The following NAV2 variants were observed in gnomAD, a reference collection of about 807,000 sequenced individuals.
NAV2 encodes the protein helicase, APC down-regulated 1.
Under a neutral mutation model 223.2 loss-of-function variants are expected in NAV2, and 54 were observed. The observed-to-expected ratio is 0.24, with a 90% CI of 0.19 to 0.30. The LOEUF (loss-of-function observed/expected upper bound fraction) is 0.30, where lower values mean the gene tolerates loss of function less well. Ranked by LOEUF, NAV2 falls within the 10% of genes least tolerant of loss-of-function variation. The probability of loss-of-function intolerance (pLI) is 1.00; values close to 1 mark genes in which losing one functional copy is unlikely to be tolerated. For synonymous variants in NAV2, 1,279 were observed against 1,239.3 expected (o/e 1.03, Z -0.67); for missense variants, 2,806 against 3,147.5 (o/e 0.89, Z 2.60).
chr11:19,600,635 C>T (rs79462482), intron 1 of NAV2, among the ~76,000 whole-genome samples: 5,008 of 152,174 alleles, frequency 0.033, 136 homozygotes, highest in East Asian at 0.11. Flanking sequence ...GTGATTTGGG[C>T]GGGTTTCTTA....
At chr11:19,802,846 C>T (rs964314569) in intron 1 of NAV2, among the ~76,000 whole-genome samples, 7 of 152,102 alleles carry the variant, frequency 4.6e-5, no homozygotes, top group African/African-American at 1.2e-4. Context: ...CTAGGAAAGC[C>T]TCAGATGCAC....
At chr11:19,401,083 C>G (rs1849665383) in intron 1 of NAV2, among the ~76,000 whole-genome samples, 1 of 152,134 alleles carries the variant, frequency 6.6e-6, no homozygotes, top group Admixed American at 6.5e-5. Context: ...CAAAATAGAG[C>G]CTAATGGATT....
chr11:19,894,337 G>A (rs1312249780), intron 6 of NAV2, among the ~76,000 whole-genome samples: 1 of 152,190 alleles, frequency 6.6e-6, no homozygotes, highest in East Asian at 1.9e-4. Context: ...TGGCACAGGA[G>A]GAGAAAGTTG....
chr11:20,025,419 G>A (rs1026206233), intron 11 of NAV2, among the ~76,000 whole-genome samples: 5 of 152,216 alleles, frequency 3.3e-5, no homozygotes, highest in Non-Finnish European at 7.3e-5. Flanking sequence ...AGCCAGCAGT[G>A]GCCCAAGGGT....
At chr11:19,772,744 G>A (rs887466402) in intron 1 of NAV2, among the ~76,000 whole-genome samples, 4 of 152,146 alleles carry the variant, frequency 2.6e-5, no homozygotes, top group South Asian at 2.1e-4. Flanking sequence ...GTGGAGAGGC[G>A]TCAGCCCACA....
At chr11:19,842,990 C>T in intron 3 of NAV2, 67 bp downstream of exon 3, 5 of 1,352,240 alleles carry the variant, frequency 3.7e-6, no homozygotes, top group Non-Finnish European at 5.3e-6. Context: ...GTGATATTGA[C>T]CATCTTGAAA....
intron 2 of NAV2, among the ~76,000 whole-genome samples, 190 bp from the exon 3 acceptor site, chr11:19,842,681 C>T (rs2060575802): frequency 1.3e-5 from 2 of 152,146 alleles, no homozygotes; most frequent in South Asian, 4.2e-4. Flanking sequence ...CCCAGCTGTC[C>T]CTGGAGGACG....
chr11:19,835,557 C>A (rs936220670), intron 2 of NAV2, among the ~76,000 whole-genome samples: 2 of 152,118 alleles, frequency 1.3e-5, no homozygotes, highest in African/African-American at 4.8e-5. Context: ...CATCTTCTGA[C>A]TAGGATGCTG....
intron 12 of NAV2, among the ~76,000 whole-genome samples, chr11:20,037,333 T>C (rs2056481396): frequency 6.6e-6 from 1 of 151,380 alleles, no homozygotes; most frequent in South Asian, 2.1e-4. Flanking sequence ...TGGAAATCTA[T>C]TTTCTTTTAA....
Position 20,092,359 on chromosome 11 carries a change from A to G in NAV2, c.5806A>G (p.Thr1936Ala). 6.2e-7 allele frequency: 1 copy of G among 1,612,426 alleles called. No homozygotes were observed. The highest frequency in any genetic ancestry group is 8.5e-7 in the Non-Finnish European group (1 of 1,178,662). Residue 1936 changes from threonine to alanine, a missense_variant, in exon 28 of 38, where the codon ACC becomes GCC. This residue lies in a region of NAV2 where 824 missense variants were observed against 1,069.4 expected (regional missense o/e 0.77). Transcript: ENST00000349880. Reference protein sequence around the residue: ...SQHSLNLTESTSLDMLLDDTG... With the variant: ...SQHSLNLTESASLDMLLDDTG... ...GCACAGCTTGAACCTCACTGAGTCA[A>G]CCAGCCTGGGTGAGTGGCCTACAGG...
intron 1 of NAV2, among the ~76,000 whole-genome samples, chr11:19,745,860 A>G (rs1200882426): frequency 6.6e-6 from 1 of 152,164 alleles, no homozygotes; most frequent in Non-Finnish European, 1.5e-5. Context: ...TGTGCAGCCC[A>G]GTTCCTAACA....
intron 1 of NAV2, among the ~76,000 whole-genome samples, chr11:19,818,788 G>A (rs577062447): frequency 7.9e-5 from 12 of 152,346 alleles, no homozygotes; most frequent in African/African-American, 2.6e-4. Context: ...ACCAGTGCCT[G>A]CTGTGGGCCT....
At chr11:19,754,094 C>T (rs576923241) in intron 1 of NAV2, among the ~76,000 whole-genome samples, 5 of 152,296 alleles carry the variant, frequency 3.3e-5, no homozygotes, top group African/African-American at 1.2e-4. Context: ...CTAGAGATAT[C>T]GCCTTTCCCC....
chr11:19,787,902 C>T (rs772114982), intron 1 of NAV2, among the ~76,000 whole-genome samples: 2 of 152,174 alleles, frequency 1.3e-5, no homozygotes, highest in Non-Finnish European at 2.9e-5. Context: ...AGGAGGGGCT[C>T]ATGAGTAGCT....
chr11:19,824,878 T>C (rs1565379764), intron 1 of NAV2, among the ~76,000 whole-genome samples: 1 of 152,214 alleles, frequency 6.6e-6, no homozygotes, highest in South Asian at 2.1e-4. Context: ...GAATAAGCAG[T>C]GACATTCTTT....
chr11:19,805,323 T>G (rs1376252182), intron 1 of NAV2, among the ~76,000 whole-genome samples: 1 of 152,188 alleles, frequency 6.6e-6, no homozygotes, highest in East Asian at 1.9e-4. Context: ...TTTTGTCACT[T>G]TTATTAACAG....
intron 5 of NAV2, chr11:19,884,446 C>T: frequency 1.8e-6 from 2 of 1,138,278 alleles, no homozygotes; most frequent in Non-Finnish European, 2.6e-6. Context: ...CTGAGTTTGC[C>T]TTTGGTCCTC....
At position 19,983,765 on chromosome 11, in the gene NAV2, G is replaced by A. The variant is rs369255753; in HGVS notation, c.2646-360G>A. On this transcript the variant is annotated intron_variant, in intron 10 of 37. Coordinates refer to ENST00000349880, the MANE Select transcript of NAV2 (RefSeq NM_145117.5). ...CTAATGATTTGTCAGTTCCATTTCC[G>A]TTACTCAGGTAAAACACCTGCTTGT... is the stretch of plus-strand genomic sequence containing the variant. Among the ~76,000 whole-genome samples the A allele has an allele frequency of 2.2e-4, 34 of 152,106 alleles. 1 individual carries two copies. The South Asian group carries it at 4.5e-3, about 20-fold the overall frequency.
intron 1 of NAV2, among the ~76,000 whole-genome samples, chr11:19,680,028 G>A (rs1658463993): frequency 6.6e-6 from 1 of 152,190 alleles, no homozygotes; most frequent in Non-Finnish European, 1.5e-5. Flanking sequence ...TGGGCACAGT[G>A]GGCCATCCCA....
Sources: gnomAD v4.1 joint callset for allele counts (sites outside exome capture counted in the v4.1 genomes callset) on GRCh38, gnomAD v4.1.1 for gene constraint, gnomAD v4.1.1 regional missense constraint, MANE v1.5 for transcripts, NCBI Gene and HGNC (gene_info 2026-07-23, HGNC 2026-07-21) for gene names.